The following LMCD1 variants were observed in gnomAD, a reference collection of about 807,000 sequenced individuals.
LMCD1 encodes the protein LIM and cysteine rich domains 1.
Under a neutral mutation model 42.7 loss-of-function variants are expected in LMCD1, and 32 were observed. The observed-to-expected ratio is 0.75, with a 90% confidence interval of 0.57 to 1.01. The LOEUF (loss-of-function observed/expected upper bound fraction) is 1.01. LMCD1 is among the 50% of genes least tolerant of loss of function. The probability of loss-of-function intolerance (pLI) is 0.00; values close to 1 mark genes in which losing one functional copy is unlikely to be tolerated. For missense variants in LMCD1, 458 were observed against 483.1 expected (o/e 0.95, Z 0.49); for synonymous variants, 178 against 184.9 (o/e 0.96, Z 0.30).
In LMCD1 at chr3:8,503,862, T is replaced by C. The variant is rs539101171; in HGVS notation, c.42+1882T>C. Among the ~76,000 whole-genome samples, 230 of 152,350 alleles carry C rather than the reference T, an allele frequency of 1.5e-3. 1 individual carries two copies. The highest frequency in any genetic ancestry group is 2.3e-3 in the South Asian group (11 of 4,828). On this transcript the variant is annotated intron_variant, in intron 1 of 5. Coordinates refer to ENST00000157600, the MANE Select transcript of LMCD1 (RefSeq NM_014583.4). Reference sequence around the variant, plus strand: ...TTAATATAAGCTGGTTGATAGTTACTGTATGAGGTGAGATGAGGTATATGG... The same window carrying C: ...TTAATATAAGCTGGTTGATAGTTACCGTATGAGGTGAGATGAGGTATATGG...
intron 3 of LMCD1, among the ~76,000 whole-genome samples, chr3:8,546,762 C>T (rs1232505928): frequency 3.9e-5 from 6 of 152,130 alleles, no homozygotes; most frequent in Admixed American, 2.6e-4. Context: ...AGGTGTAAGT[C>T]CATGAGTGAA....
intron 4 of LMCD1, among the ~76,000 whole-genome samples, chr3:8,561,390 T>G (rs1334855273): frequency 1.3e-5 from 2 of 152,116 alleles, no homozygotes; most frequent in Non-Finnish European, 1.5e-5. Flanking sequence ...AGTTTTTTTT[T>G]TTTTTTTTCC....
At chr3:8,529,237 A>G (rs1694359208) in intron 1 of LMCD1, among the ~76,000 whole-genome samples, 2 of 152,180 alleles carry the variant, frequency 1.3e-5, no homozygotes, top group Non-Finnish European at 2.9e-5. Flanking sequence ...TGGCTTCTGG[A>G]TGAATGGCAT....
intron 2 of LMCD1, among the ~76,000 whole-genome samples, chr3:8,535,367 C>A (rs1694490981): frequency 6.6e-6 from 1 of 152,060 alleles, no homozygotes; most frequent in Non-Finnish European, 1.5e-5. Context: ...CCCTGCAGCA[C>A]CCTGAGGGTC....
chr3:8,532,713 C>A (rs1408760832), intron 1 of LMCD1, 24 bp from the exon 2 acceptor site: 16 of 1,606,842 alleles, frequency 1.0e-5, no homozygotes, highest in Non-Finnish European at 1.4e-5. Flanking sequence ...AAGGAAAACA[C>A]CCTCTTTTCT....
intron 4 of LMCD1, among the ~76,000 whole-genome samples, chr3:8,555,355 C>A (rs1694915752): frequency 6.6e-6 from 1 of 152,150 alleles, no homozygotes; most frequent in African/African-American, 2.4e-5. Flanking sequence ...GGCTTTCCTG[C>A]CAGCCCCACT....
At chr3:8,516,904 AATAGAGGCCTTAC>A (rs1340956289) in intron 1 of LMCD1, among the ~76,000 whole-genome samples, 1 of 152,210 alleles carries the variant, frequency 6.6e-6, no homozygotes, top group Non-Finnish European at 1.5e-5. Context: ...GTGAAGATAA[AATAGAGGCCTTAC>A]TCTAGCACGA....
rs777242922 is a variant in LMCD1 at position 8,502,362 on chromosome 3, T to TTA, written c.42+387_42+388dup. ...TTATATATAAAATATATAATATATA[T>TTA]TATATAAAATATATATAATATATAT... On this transcript the variant is annotated intron_variant, in intron 1 of 5. Coordinates refer to ENST00000157600, the MANE Select transcript of LMCD1 (RefSeq NM_014583.4). Among the ~76,000 whole-genome samples the TTA allele has an allele frequency of 1.6e-3, 111 of 70,000 alleles. 1 individual carries two copies. The highest frequency in any genetic ancestry group is 5.0e-3 in the South Asian group (13 of 2,576). The allele number at this position is 70,000 out of a possible 152,430, so 45.9% of individuals were successfully genotyped here.
At chr3:8,505,741 C>T (rs1693866442) in intron 1 of LMCD1, among the ~76,000 whole-genome samples, 1 of 152,254 alleles carries the variant, frequency 6.6e-6, no homozygotes, top group African/African-American at 2.4e-5. Context: ...CTCCATGCTT[C>T]TCTACATCAC....
At chr3:8,556,566 A>G (rs901537118) in intron 4 of LMCD1, among the ~76,000 whole-genome samples, 3 of 152,140 alleles carry the variant, frequency 2.0e-5, no homozygotes, top group African/African-American at 7.2e-5. Context: ...GACCTGCCTC[A>G]CTCCAAACCT....
Position 8,501,839 on chromosome 3 carries a change from C to A in LMCD1, c.-100C>A. 9.5e-7 allele frequency: 1 copy of A among 1,057,748 alleles called. No individual in the cohort carries two copies. The highest frequency in any genetic ancestry group is 1.4e-6 in the Non-Finnish European group (1 of 718,840). 65.5% of individuals were successfully genotyped at this position (1,057,748 alleles called of 1,614,324 possible). A position where few individuals can be genotyped will look rare whatever the true frequency, so the allele number is the denominator to read the frequency against. ...CCTGGCTGCGCACAGAGCTCCCTCC[C>A]AGGCCCGCGAACTTGGCCATTCAGC... On this transcript the variant is annotated 5_prime_UTR_variant, in exon 1 of 6. Coordinates refer to ENST00000157600, the MANE Select transcript of LMCD1 (RefSeq NM_014583.4).
rs1191222289 is a variant in LMCD1, at chr3:8,573,235, C to T, written c.*5637C>T. On this transcript the variant is annotated 3_prime_UTR_variant, in exon 6 of 6. Transcript: ENST00000157600. ...GAATTACACATTTCTGAAGCCATTACACTTCCTAGTTTATTTGGATTTAAG... is the reference window on the plus strand; with the variant it reads ...GAATTACACATTTCTGAAGCCATTATACTTCCTAGTTTATTTGGATTTAAG... 2 of 152,190 alleles carry T rather than the reference C, an allele frequency of 1.3e-5. No individual in the cohort carries two copies. The highest frequency in any genetic ancestry group is 2.9e-5 in the Non-Finnish European group (2 of 68,034). 9.4% of individuals were successfully genotyped at this position (152,190 alleles called of 1,614,324 possible).
At chr3:8,546,917 T>C (rs886447641) in intron 3 of LMCD1, among the ~76,000 whole-genome samples, 1 of 152,230 alleles carries the variant, frequency 6.6e-6, no homozygotes, top group Non-Finnish European at 1.5e-5. Flanking sequence ...TAGCAAATGA[T>C]ACTAAAGAAG....
At chr3:8,518,980 T>C (rs1694150472) in intron 1 of LMCD1, among the ~76,000 whole-genome samples, 1 of 152,138 alleles carries the variant, frequency 6.6e-6, no homozygotes, top group African/African-American at 2.4e-5. Context: ...GCATAGATGA[T>C]GGCATAGATG....
chr3:8,541,782 C>T (rs1188986609), intron 3 of LMCD1, among the ~76,000 whole-genome samples: 1 of 152,174 alleles, frequency 6.6e-6, no homozygotes, highest in Non-Finnish European at 1.5e-5. Flanking sequence ...CCGGCCCAAA[C>T]CTCTGTCCCT....
intron 1 of LMCD1, among the ~76,000 whole-genome samples, chr3:8,513,564 T>C (rs1471497969): frequency 6.6e-6 from 1 of 151,500 alleles, no homozygotes; most frequent in Non-Finnish European, 1.5e-5. Flanking sequence ...TCAAGAAAAA[T>C]CAGCACTGTT....
intron 1 of LMCD1, among the ~76,000 whole-genome samples, chr3:8,514,587 A>G (rs941593550): frequency 2.0e-5 from 3 of 152,262 alleles, no homozygotes; most frequent in Admixed American, 6.5e-5. Context: ...GTTATTCATT[A>G]TAGCCCCAAA....
chr3:8,564,360 T>C (rs1434235029), intron 4 of LMCD1, among the ~76,000 whole-genome samples: 1 of 152,054 alleles, frequency 6.6e-6, no homozygotes, highest in Non-Finnish European at 1.5e-5. Context: ...AAACTCAAAC[T>C]CCTGGGCTCC....
intron 4 of LMCD1, among the ~76,000 whole-genome samples, chr3:8,552,418 C>T (rs958842133): frequency 3.9e-5 from 6 of 152,204 alleles, no homozygotes; most frequent in African/African-American, 1.2e-4. Context: ...CAGAACTTCT[C>T]AGAGCCTTTA....
Sources: allele counts gnomAD v4.1 joint callset (sites outside exome capture counted in the v4.1 genomes callset), GRCh38; gene constraint gnomAD v4.1.1; transcripts MANE v1.5; gene names NCBI Gene and HGNC (gene_info 2026-07-23, HGNC 2026-07-21).